Variants in ARSB observed in about 807,000 individuals in gnomAD.
ARSB encodes the protein N-acetylgalactosamine-4-sulfatase.
In ARSB, 41 loss-of-function variants were observed where a neutral mutation model predicts 50.9. The observed-to-expected ratio is 0.81, with a 90% CI of 0.63 to 1.04. ARSB has a LOEUF of 1.04. Ranked by LOEUF, ARSB falls within the 50% of genes least tolerant of loss-of-function variation. The pLI, the probability that ARSB is intolerant of heterozygous loss-of-function variation, is 0.00. For missense variants in ARSB, 672 were observed against 693.3 expected, an observed-to-expected ratio of 0.97 and a Z score of 0.35; for synonymous variants, 269 against 284.8, an observed-to-expected ratio of 0.94 and a Z score of 0.56.
At chr5:78,853,653 C>G (rs1745975571) in intron 5 of ARSB, among the ~76,000 whole-genome samples, 2 of 152,210 alleles carry the variant, frequency 1.3e-5, no homozygotes, top group Non-Finnish European at 2.9e-5. Flanking sequence ...CTGTGCCCTG[C>G]CCCCAGAGGT....
chr5:78,895,035 C>T (rs1748499571), intron 4 of ARSB, among the ~76,000 whole-genome samples: 2 of 152,162 alleles, frequency 1.3e-5, no homozygotes, highest in African/African-American at 4.8e-5. Flanking sequence ...AAAAACCAAA[C>T]CAACCAACCA....
chr5:78,954,552 T>C (rs1380422634), intron 4 of ARSB, among the ~76,000 whole-genome samples: 1 of 152,240 alleles, frequency 6.6e-6, no homozygotes, highest in Non-Finnish European at 1.5e-5. Context: ...TTGCCCAGAC[T>C]GGAGTGCAGT....
At chr5:78,967,721 A>C (rs908272698) in intron 2 of ARSB, among the ~76,000 whole-genome samples, 3 of 152,004 alleles carry the variant, frequency 2.0e-5, no homozygotes, top group Non-Finnish European at 4.4e-5. Context: ...GAATATGAAG[A>C]CAGCCTAGAG....
chr5:78,919,403 A>T (rs1749700256), intron 4 of ARSB, among the ~76,000 whole-genome samples: 1 of 152,216 alleles, frequency 6.6e-6, no homozygotes, highest in Admixed American at 6.5e-5. Flanking sequence ...AGTTTGGTCA[A>T]GTTTGATTCA....
At chr5:78,790,538 T>C (rs1038413856) in intron 6 of ARSB, among the ~76,000 whole-genome samples, 4 of 152,214 alleles carry the variant, frequency 2.6e-5, no homozygotes, top group Non-Finnish European at 5.9e-5. Flanking sequence ...GAATATCTGT[T>C]ATATTGTTAA....
chr5:78,815,570 T>C, intron 6 of ARSB: 1 of 987,384 alleles, frequency 1.0e-6, no homozygotes, highest in South Asian at 4.6e-5. Context: ...GGGCCTACAT[T>C]TTCCTGAAGA....
At chr5:78,785,157 T>C (rs1458400989) in intron 6 of ARSB, among the ~76,000 whole-genome samples, 1 of 152,240 alleles carries the variant, frequency 6.6e-6, no homozygotes, top group African/African-American at 2.4e-5. Context: ...ATCTGTAGTA[T>C]GTTTGTTTTC....
At chr5:78,889,080 G>A (rs1293399839) in intron 4 of ARSB, among the ~76,000 whole-genome samples, 1 of 152,172 alleles carries the variant, frequency 6.6e-6, no homozygotes, top group Non-Finnish European at 1.5e-5. Flanking sequence ...ATCAGCAATG[G>A]GGCAGAATCC....
rs118165378 is a variant in ARSB, at chr5:78,945,364, G to A, written c.898+9931C>T. Among the ~76,000 whole-genome samples, 272 of 152,256 alleles carry A rather than the reference G, an allele frequency of 1.8e-3. 1 individual carries two copies. In the East Asian group the frequency reaches 0.025, roughly 14 times the overall value. ...AATGCAGAAATCATTCGTCTTCTGC[G>A]TCGCACATGTTGGAAGCTGTAGACT... On this transcript the variant is annotated intron_variant, in intron 4 of 7. Coordinates refer to ENST00000264914, the MANE Select transcript of ARSB (RefSeq NM_000046.5).
rs1234619423 is a variant in ARSB at position 78,780,057 on chromosome 5, T to G, written c.*340A>C. On this transcript the variant is annotated 3_prime_UTR_variant, in exon 8 of 8. Coordinates refer to ENST00000264914, the MANE Select transcript of ARSB (RefSeq NM_000046.5). Reference sequence around the variant, plus strand: ...GCTATTGGCAGAGGGGAATCGAACGTCTGACTTGTGAGTCTAAAAGAGCCA... The same window carrying G: ...GCTATTGGCAGAGGGGAATCGAACGGCTGACTTGTGAGTCTAAAAGAGCCA... The G allele has an allele frequency of 4.8e-5, 16 of 332,636 alleles. No homozygotes were observed. The East Asian group carries it at 1.1e-3, about 24-fold the overall frequency. 20.6% of individuals were successfully genotyped at this position (332,636 alleles called of 1,614,324 possible).
Position 78,879,124 on chromosome 5 carries a change from G to A in ARSB, c.1142+6460C>T, listed in dbSNP as rs181886576. ...CCTCCTCGGCCTCCCATAGTGCTGGGATTATAGGCGTGAGCCACCACGCCT... is the reference window on the plus strand; with the variant it reads ...CCTCCTCGGCCTCCCATAGTGCTGGAATTATAGGCGTGAGCCACCACGCCT... On this transcript the variant is annotated intron_variant, in intron 5 of 7. Coordinates refer to ENST00000264914, the MANE Select transcript of ARSB (RefSeq NM_000046.5). Among the ~76,000 whole-genome samples, 240 of 152,318 alleles carry A rather than the reference G, an allele frequency of 1.6e-3. 1 individual carries two copies. Among genetic ancestry groups the A allele is most frequent in the Non-Finnish European group, 2.6e-3 (178 of 68,032 alleles).
chr5:78,983,190 A>G (rs62377912), intron 1 of ARSB, among the ~76,000 whole-genome samples: 22,328 of 152,088 alleles, frequency 0.15, 1,791 homozygotes, highest in South Asian at 0.2. Flanking sequence ...AGTAGCTAGG[A>G]CTATAGACGC....
intron 4 of ARSB, among the ~76,000 whole-genome samples, chr5:78,927,357 C>G (rs769652549): frequency 3.2e-4 from 49 of 152,056 alleles, no homozygotes; most frequent in Non-Finnish European, 1.0e-4. Flanking sequence ...GCTCAATAGC[C>G]ATGTATGACT....
Position 78,885,304 on chromosome 5 carries a change from T to C in ARSB, c.1142+280A>G, listed in dbSNP as rs1397605864. 6.4e-6 allele frequency: 3 copies of C among 466,008 alleles called. No individual in the cohort carries two copies. In the East Asian group the frequency reaches 9.7e-5, roughly 15 times the overall value. The allele number at this position is 466,008 out of a possible 1,614,324, so 28.9% of individuals were successfully genotyped here. A position where few individuals can be genotyped will look rare whatever the true frequency, so the allele number is the denominator to read the frequency against. On this transcript the variant is annotated intron_variant, in intron 5 of 7. Coordinates refer to ENST00000264914, the MANE Select transcript of ARSB (RefSeq NM_000046.5). ...GCAGGAAGCTAACAATACCCTAGCCTACTTCTAAGCAAAACGTCGCAGCTT... is the reference window on the plus strand; with the variant it reads ...GCAGGAAGCTAACAATACCCTAGCCCACTTCTAAGCAAAACGTCGCAGCTT...
At chr5:78,935,717 G>A (rs990360562) in intron 4 of ARSB, among the ~76,000 whole-genome samples, 2 of 152,148 alleles carry the variant, frequency 1.3e-5, no homozygotes, top group South Asian at 4.1e-4. Context: ...TATGTGTCAG[G>A]AAGTGCTGCA....
chr5:78,942,958 G>A (rs1751013411), intron 4 of ARSB, among the ~76,000 whole-genome samples: 2 of 152,126 alleles, frequency 1.3e-5, no homozygotes, highest in African/African-American at 2.4e-5. Context: ...ATGAATCTGG[G>A]TGCTCCTGTA....
chr5:78,964,230 G>A (rs781013611), intron 3 of ARSB, among the ~76,000 whole-genome samples, 186 bp downstream of exon 3: 3 of 152,116 alleles, frequency 2.0e-5, no homozygotes, highest in Non-Finnish European at 4.4e-5. Flanking sequence ...CCCTAGAGGT[G>A]GGCTCCAGGA....
chr5:78,911,488 C>T (rs905777755), intron 4 of ARSB, among the ~76,000 whole-genome samples: 2 of 143,298 alleles, frequency 1.4e-5, no homozygotes, highest in East Asian at 2.1e-4. Context: ...GCACTAGAAT[C>T]GCTTGAAACC....
intron 4 of ARSB, among the ~76,000 whole-genome samples, chr5:78,938,781 G>A (rs943667277): frequency 2.6e-5 from 4 of 152,200 alleles, no homozygotes; most frequent in African/African-American, 9.7e-5. Context: ...CTCCATTTGA[G>A]TATTAAATCA....
Sources: allele counts gnomAD v4.1 joint callset (sites outside exome capture counted in the v4.1 genomes callset), GRCh38; gene constraint gnomAD v4.1.1; transcripts MANE v1.5; gene names NCBI Gene and HGNC (gene_info 2026-07-23, HGNC 2026-07-21).